The following MACROD2 variants were observed in gnomAD, a reference collection of about 807,000 sequenced individuals.
MACROD2 encodes mono-ADP ribosylhydrolase 2.
Under a neutral mutation model 70.4 loss-of-function variants are expected in MACROD2, and 36 were observed. The ratio of observed to expected loss-of-function variants is 0.51; its 90% CI spans 0.39 to 0.68. The LOEUF is 0.68. MACROD2 is among the 30% of genes least tolerant of loss of function. The pLI is 0.00. For synonymous variants in MACROD2, 172 were observed against 178.8 expected, an observed-to-expected ratio of 0.96 and a Z score of 0.30; for missense variants, 496 against 538.4, an observed-to-expected ratio of 0.92 and a Z score of 0.78.
chr20:14,312,272 AGAAACTT>A (rs1484537542), intron 3 of MACROD2, among the ~76,000 whole-genome samples: 2 of 152,178 alleles, frequency 1.3e-5, no homozygotes, highest in African/African-American at 4.8e-5. Context: ...GACAAGTCTG[AGAAACTT>A]GAAACTAGTG....
At chr20:14,230,686 T>TATAAAAAACACAGGCTGGGCCC (rs2081800835) in intron 3 of MACROD2, among the ~76,000 whole-genome samples, 1 of 120,946 alleles carries the variant, frequency 8.3e-6, no homozygotes, top group Non-Finnish European at 1.7e-5. Context: ...TATATATATA[T>TATAAAAAACACAGGCTGGGCCC]ATATATATAT....
At chr20:15,147,725 AC>A (rs1429504664) in intron 5 of MACROD2, among the ~76,000 whole-genome samples, 4 of 152,128 alleles carry the variant, frequency 2.6e-5, no homozygotes, top group African/African-American at 9.7e-5. Flanking sequence ...AGACCACCAA[AC>A]AGGCTTTGTG....
At chr20:15,741,364 G>C (rs148164721) in intron 8 of MACROD2, among the ~76,000 whole-genome samples, 1 of 151,640 alleles carries the variant, frequency 6.6e-6, no homozygotes. Context: ...CTCCCAAAGT[G>C]CTGGGATTAC....
At chr20:15,304,687 G>GTC (rs1237173444) in intron 6 of MACROD2, among the ~76,000 whole-genome samples, 35 of 152,016 alleles carry the variant, frequency 2.3e-4, no homozygotes, top group African/African-American at 8.2e-4. Context: ...CACTGCAGAC[G>GTC]ACCCCTTCCC....
Position 14,802,777 on chromosome 20 carries a change from T to TACAC in MACROD2, c.418+117842_418+117845dup, listed in dbSNP as rs11468914. Among the ~76,000 whole-genome samples, 76 of 148,424 alleles carry TACAC rather than the reference T, an allele frequency of 5.1e-4. No individual in the cohort carries two copies. In the Middle Eastern group the frequency reaches 0.01, roughly 20 times the overall value. ...CTTAACAAGCACACACATACACACATACACACACACACACACACACACACA... is the reference window on the plus strand; with the variant it reads ...CTTAACAAGCACACACATACACACATACACACACACACACACACACACACACACA... On this transcript the variant is annotated intron_variant, in intron 5 of 17. Transcript: ENST00000684519.
At chr20:15,995,011 A>G (rs1158531096) in intron 15 of MACROD2, among the ~76,000 whole-genome samples, 2 of 152,198 alleles carry the variant, frequency 1.3e-5, no homozygotes, top group Non-Finnish European at 2.9e-5. Flanking sequence ...CACTGAGACT[A>G]GAAAATGGAA....
intron 5 of MACROD2, among the ~76,000 whole-genome samples, chr20:15,168,660 G>A (rs1027504221): frequency 1.3e-5 from 2 of 152,042 alleles, no homozygotes; most frequent in African/African-American, 2.4e-5. Context: ...AAATGTGGTA[G>A]ATACATTCAA....
chr20:16,035,856 A>G (rs563069041), intron 15 of MACROD2, among the ~76,000 whole-genome samples: 1 of 151,950 alleles, frequency 6.6e-6, no homozygotes, highest in South Asian at 2.1e-4. Context: ...TTGCGGTAAA[A>G]GGTAGGAGAA....
At chr20:15,133,494 A>G (rs1277736018) in intron 5 of MACROD2, among the ~76,000 whole-genome samples, 1 of 152,236 alleles carries the variant, frequency 6.6e-6, no homozygotes, top group Admixed American at 6.5e-5. Flanking sequence ...TTATACCCAC[A>G]TTGTTTGGCA....
chr20:14,033,178 G>C (rs949407220), intron 2 of MACROD2, among the ~76,000 whole-genome samples: 1 of 148,844 alleles, frequency 6.7e-6, no homozygotes, highest in Non-Finnish European at 1.5e-5. Flanking sequence ...TTTCCCCCCA[G>C]ATATCTATCT....
chr20:14,722,524 A>G (rs2071481697), intron 5 of MACROD2, among the ~76,000 whole-genome samples: 1 of 152,202 alleles, frequency 6.6e-6, no homozygotes, highest in Non-Finnish European at 1.5e-5. Context: ...TTAGTCTTGC[A>G]GCTGTTATTC....
At chr20:15,079,846 C>G (rs907510408) in intron 5 of MACROD2, among the ~76,000 whole-genome samples, 17 of 152,022 alleles carry the variant, frequency 1.1e-4, no homozygotes, top group Non-Finnish European at 2.5e-4. Flanking sequence ...TAAGCCAGTC[C>G]CTCATCACTA....
At chr20:15,232,739 G>T (rs1437836555) in intron 6 of MACROD2, among the ~76,000 whole-genome samples, 1 of 151,956 alleles carries the variant, frequency 6.6e-6, no homozygotes. Context: ...ATTTCTTGAT[G>T]TTTTTAAACA....
intron 3 of MACROD2, among the ~76,000 whole-genome samples, chr20:14,320,246 C>CT (rs1169706585): frequency 2.6e-5 from 4 of 152,114 alleles, no homozygotes; most frequent in Non-Finnish European, 4.4e-5. Context: ...CAATATTCTA[C>CT]TTTTTTTACT....
chr20:15,651,915 T>G (rs1341431125), intron 8 of MACROD2, among the ~76,000 whole-genome samples: 1 of 152,180 alleles, frequency 6.6e-6, no homozygotes, highest in African/African-American at 2.4e-5. Context: ...TGCATTTTAG[T>G]AAGAGCCTTC....
intron 3 of MACROD2, among the ~76,000 whole-genome samples, chr20:14,489,933 T>C (rs1393565421): frequency 1.3e-5 from 2 of 151,832 alleles, no homozygotes; most frequent in African/African-American, 4.8e-5. Flanking sequence ...CAATCTCGGC[T>C]CACTGCCACC....
At chr20:14,752,494 C>G (rs944056305) in intron 5 of MACROD2, among the ~76,000 whole-genome samples, 9 of 152,052 alleles carry the variant, frequency 5.9e-5, no homozygotes, top group African/African-American at 1.9e-4. Context: ...TGGTTTCTCC[C>G]TAGTCTAATC....
chr20:14,089,177 T>C (rs1272690621), intron 3 of MACROD2, among the ~76,000 whole-genome samples: 4 of 152,200 alleles, frequency 2.6e-5, no homozygotes, highest in Non-Finnish European at 4.4e-5. Flanking sequence ...TTGGCCATGT[T>C]TTGCATCTCA....
At chr20:14,076,038 T>C (rs2053912101) in intron 2 of MACROD2, among the ~76,000 whole-genome samples, 2 of 152,220 alleles carry the variant, frequency 1.3e-5, no homozygotes, top group South Asian at 4.1e-4. Flanking sequence ...ATTTGTTCCA[T>C]TTATCAAGAA....
Sources: gnomAD v4.1 joint callset for allele counts (sites outside exome capture counted in the v4.1 genomes callset) on GRCh38, gnomAD v4.1.1 for gene constraint, MANE v1.5 for transcripts, NCBI Gene and HGNC (gene_info 2026-07-23, HGNC 2026-07-21) for gene names.